ADSS1: variants seen among roughly 807,000 people sequenced by gnomAD.
ADSS1 encodes the protein adenylosuccinate synthase 1.
ADSS1 carries 57 observed loss-of-function variants against 59.1 expected under a neutral mutation model. The observed-to-expected ratio is 0.97, with a 90% CI of 0.78 to 1.20. The LOEUF (loss-of-function observed/expected upper bound fraction) is 1.20. Ranked by LOEUF, ADSS1 falls within the 50% of genes most tolerant of loss-of-function variation. ADSS1 has a pLI of 0.00. For missense variants in ADSS1, 603 were observed against 610.3 expected (o/e 0.99, Z 0.13); for synonymous variants, 247 against 249.4 (o/e 0.99, Z 0.09).
At chr14:104,738,596 G>A (rs532127836) in intron 3 of ADSS1, among the ~76,000 whole-genome samples, 158 bp downstream of exon 3, 11 of 152,342 alleles carry the variant, frequency 7.2e-5, no homozygotes, top group East Asian at 3.9e-4. Context: ...CTCTACCCGC[G>A]CAGAAAGCGA....
At chr14:104,746,516 G>C in intron 12 of ADSS1, 131 bp downstream of exon 12, 2 of 1,312,662 alleles carry the variant, frequency 1.5e-6, no homozygotes, top group East Asian at 2.5e-5. Context: ...TGCATGGCAG[G>C]AGGGGAGGAC....
Position 104,724,278 on chromosome 14 carries a change from G to C in ADSS1, c.8G>C (p.Gly3Ala). The part of the protein sequence containing the change: MS[G>A]TRASNDRPPG... Reference sequence around the variant, plus strand: ...CGGAAGAGCCAAGCCAGCATGTCGGGGACCCGAGCCTCCAACGACCGGCCC... The same window carrying C: ...CGGAAGAGCCAAGCCAGCATGTCGGCGACCCGAGCCTCCAACGACCGGCCC... The change falls in exon 1 of 13, where the codon GGG becomes GCG. Residue 3 changes from glycine (G) to alanine (A), a missense_variant. Physicochemically the swap from Gly to Ala is moderately conservative, Grantham distance 60. Transcript: ENST00000330877. The C allele has an allele frequency of 1.6e-6, 2 of 1,229,852 alleles. No individual in the cohort carries two copies. Among genetic ancestry groups the C allele is most frequent in the Non-Finnish European group, 2.0e-6 (2 of 985,230 alleles). 76.2% of individuals were successfully genotyped at this position (1,229,852 alleles called of 1,614,324 possible). A position where few individuals can be genotyped will look rare whatever the true frequency, so the allele number is the denominator to read the frequency against.
intron 1 of ADSS1, among the ~76,000 whole-genome samples, chr14:104,734,717 G>A (rs1440614976): frequency 6.6e-6 from 1 of 152,180 alleles, no homozygotes; most frequent in African/African-American, 2.4e-5. Flanking sequence ...TGAGAGGAGC[G>A]AGCTCCAGAG....
rs144808530 is a variant in ADSS1 at position 104,729,534 on chromosome 14, C to G, written c.192+5072C>G. Among the ~76,000 whole-genome samples, 127 of 73,348 alleles carry G rather than the reference C, an allele frequency of 1.7e-3. 3 individuals carry two copies. The highest frequency in any genetic ancestry group is 9.4e-3 in the South Asian group (18 of 1,914). 48.1% of individuals were successfully genotyped at this position (73,348 alleles called of 152,430 possible). On this transcript the variant is annotated intron_variant, in intron 1 of 12. Transcript: ENST00000330877. ...TGGGGGAGGAGCGTGGCGTCGGCGT[C>G]GTGGGGAGGAGCGTGGCGTCGGCGT...
Position 104,724,434 on chromosome 14 carries a change from C to T in ADSS1, c.164C>T (p.Thr55Met), listed in dbSNP as rs1165633513. 1 of 1,259,220 alleles carries T rather than the reference C, an allele frequency of 7.9e-7. No individual in the cohort carries two copies. Among genetic ancestry groups the T allele is most frequent in the Non-Finnish European group, 1.0e-6 (1 of 997,210 alleles). The allele number at this position is 1,259,220 out of a possible 1,614,324, so 78.0% of individuals were successfully genotyped here. The change falls in exon 1 of 13, where the codon ACG becomes ATG. Residue 55 changes from threonine to methionine, a missense_variant. Thr to Met is a moderately conservative substitution (Grantham distance 81). Transcript: ENST00000330877. ...GGCAAGGTGGTGGACCTGCTGGCCA[C>T]GGACGCCGACATCATCAGCCGCTGC... ...GKGKVVDLLA[T>M]DADIISRCQG...
intron 1 of ADSS1, 67 bp downstream of exon 1, chr14:104,724,529 C>A: frequency 8.2e-7 from 1 of 1,220,554 alleles, no homozygotes; most frequent in Admixed American, 4.3e-5. Context: ...ACCCAGACGG[C>A]CCCTGTCCTC....
At chr14:104,737,144 T>C (rs1231797521) in intron 2 of ADSS1, 1 of 152,022 alleles carries the variant, frequency 6.6e-6, no homozygotes, top group Non-Finnish European at 1.5e-5. Flanking sequence ...GTGCTGTACA[T>C]TCTACCAGTC....
chr14:104,735,152 G>A (rs774438398), intron 2 of ADSS1, 30 bp downstream of exon 2: 16 of 1,566,158 alleles, frequency 1.0e-5, no homozygotes, highest in African/African-American at 8.1e-5. Context: ...CTGTGTGTGA[G>A]CAGGAAAGGG....
At chr14:104,726,475 C>A (rs1566792628) in intron 1 of ADSS1, among the ~76,000 whole-genome samples, 2 of 152,206 alleles carry the variant, frequency 1.3e-5, no homozygotes, top group Non-Finnish European at 2.9e-5. Flanking sequence ...GTGACCCCTA[C>A]CTCACAGTGC....
Position 104,742,966 on chromosome 14 carries a change from G to A in ADSS1, c.949-101G>A, listed in dbSNP as rs1415592748. ...GTCGGTGGAGGCGGGGCACCCTCAG[G>A]GATTCTGAGAGCTGTGTGCAGGGAG... On this transcript the variant is annotated intron_variant, in intron 9 of 12. Transcript: ENST00000330877. 3 of 1,542,590 alleles carry A rather than the reference G, an allele frequency of 1.9e-6. No individual in the cohort carries two copies. The Admixed American group carries it at 5.1e-5, about 26-fold the overall frequency.
At chr14:104,730,265 G>A (rs1287364082) in intron 1 of ADSS1, 54 of 1,441,218 alleles carry the variant, frequency 3.7e-5, no homozygotes, top group Non-Finnish European at 4.8e-5. Context: ...AGGCCGAGGC[G>A]AGCGGATCAC....
intron 1 of ADSS1, among the ~76,000 whole-genome samples, chr14:104,730,571 T>A (rs1333015982): frequency 1.3e-5 from 2 of 152,088 alleles, no homozygotes; most frequent in African/African-American, 4.8e-5. Flanking sequence ...AGATAGATGA[T>A]ATGGAGAGAG....
At chr14:104,739,598 C>T (rs572154064) in intron 4 of ADSS1, 152 bp from the exon 5 acceptor site, 31 of 938,300 alleles carry the variant, frequency 3.3e-5, no homozygotes, top group Non-Finnish European at 4.4e-5. Flanking sequence ...GAGCCCCAGA[C>T]ACTCATGGTC....
Position 104,740,738 on chromosome 14 carries a change from G to A in ADSS1, c.584+30G>A. Reference sequence around the variant, plus strand: ...CTGAGCCGTCTGCAGTCCCCGGGGAGGATGGGGAGAAGTTGCCGGAAGGGA... The same window carrying A: ...CTGAGCCGTCTGCAGTCCCCGGGGAAGATGGGGAGAAGTTGCCGGAAGGGA... On this transcript the variant is annotated intron_variant, in intron 6 of 12. Transcript: ENST00000330877. This position sits in a 1 kb window ranked among gnomAD's most constrained non-coding sequence, Gnocchi z 4.8. 6.2e-7 allele frequency: 1 copy of A among 1,613,178 alleles called. No homozygotes were observed.
At chr14:104,725,889 T>C (rs1190029534) in intron 1 of ADSS1, among the ~76,000 whole-genome samples, 1 of 152,226 alleles carries the variant, frequency 6.6e-6, no homozygotes, top group Non-Finnish European at 1.5e-5. Flanking sequence ...CAGGGCGGGC[T>C]GGGGCCCCCA....
In ADSS1 at chr14:104,746,386, G is replaced by T; in HGVS notation, c.1321+1G>T. On this transcript the variant is annotated splice_donor_variant, in intron 12 of 12. Coordinates refer to ENST00000330877, the MANE Select transcript of ADSS1 (RefSeq NM_152328.5). LOFTEE classifies it high-confidence loss of function. ...GTGGAGAATCACGTGGGAGTCGCAG[G>T]TGGGTGCCCTGCATCCCCAGCCACC... 1 of 1,609,742 alleles carries T rather than the reference G, an allele frequency of 6.2e-7. No individual in the cohort carries two copies. The highest frequency in any genetic ancestry group is 8.5e-7 in the Non-Finnish European group (1 of 1,177,342).
intron 2 of ADSS1, among the ~76,000 whole-genome samples, chr14:104,736,881 G>GATTATATATATATATATATATATATATAT (rs1254196679): frequency 9.4e-6 from 1 of 106,598 alleles, no homozygotes; most frequent in African/African-American, 3.6e-5. Context: ...GCACCTAGCT[G>GATTATATATATATATATATATATATATAT]ATATATATAT....
chr14:104,747,261 T>C lies in ADSS1; in HGVS notation c.*258T>C, dbSNP rs1290704168. ...TCTATGACACATTAGTGTCACATGG[T>C]TGCGTGTCCAGCCGAAGCAGTGTAA... is the stretch of plus-strand genomic sequence containing the variant. On this transcript the variant is annotated 3_prime_UTR_variant, in exon 13 of 13. Transcript: ENST00000330877. 2 of 351,736 alleles carry C rather than the reference T, an allele frequency of 5.7e-6. No homozygotes were observed. The highest frequency in any genetic ancestry group is 4.1e-5 in the African/African-American group (2 of 48,338). 21.8% of individuals were successfully genotyped at this position (351,736 alleles called of 1,614,324 possible).
chr14:104,740,568 G>A lies in ADSS1; in HGVS notation c.477-33G>A. 6.2e-7 allele frequency: 1 copy of A among 1,603,888 alleles called. No individual in the cohort carries two copies. The highest frequency in any genetic ancestry group is 8.5e-7 in the Non-Finnish European group (1 of 1,173,562). ...ATGCCTGAGCTCCTCAGGGCTCCTG[G>A]GTTCTCATGGGTACCCACTCCCCAT... On this transcript the variant is annotated intron_variant, in intron 5 of 12. Transcript: ENST00000330877. This position sits in a 1 kb window ranked among gnomAD's most constrained non-coding sequence, Gnocchi z 4.8.
Sources: gnomAD v4.1 joint callset for allele counts (sites outside exome capture counted in the v4.1 genomes callset) on GRCh38, gnomAD v4.1.1 for gene constraint, Gnocchi (gnomAD v3.1) non-coding constraint, MANE v1.5 for transcripts, NCBI Gene and HGNC (gene_info 2026-07-23, HGNC 2026-07-21) for gene names.